RAD51C: variants seen among roughly 807,000 people sequenced by gnomAD.
The protein encoded by RAD51C is DNA repair protein RAD51 homolog 3.
Under a neutral mutation model 45.0 loss-of-function variants are expected in RAD51C, and 42 were observed. The ratio of observed to expected loss-of-function variants is 0.93; its 90% CI spans 0.73 to 1.21. The LOEUF (loss-of-function observed/expected upper bound fraction) is 1.21. Ranked by LOEUF, RAD51C falls within the 50% of genes most tolerant of loss-of-function variation. The pLI is 0.00. For missense variants in RAD51C, 474 were observed against 452.2 expected, an observed-to-expected ratio of 1.05 and a Z score of -0.44; for synonymous variants, 172 against 159.8, an observed-to-expected ratio of 1.08 and a Z score of -0.58.
chr17:58,705,656 G>A (rs1015369691), intron 4 of RAD51C, among the ~76,000 whole-genome samples: 7 of 152,114 alleles, frequency 4.6e-5, no homozygotes, highest in Middle Eastern at 3.4e-3. Context: ...TTACAAGGAC[G>A]CTAATCATCT....
At chr17:58,726,410 T>C (rs935310042) in intron 7 of RAD51C, among the ~76,000 whole-genome samples, 2 of 146,310 alleles carry the variant, frequency 1.4e-5, no homozygotes, top group Non-Finnish European at 3.0e-5. Context: ...TGTGTATATA[T>C]ATAGATTATA....
intron 2 of RAD51C, among the ~76,000 whole-genome samples, chr17:58,695,921 G>A (rs756677580): frequency 3.3e-5 from 5 of 151,890 alleles, no homozygotes; most frequent in Admixed American, 2.0e-4. Context: ...AAAAAAATTA[G>A]CCAGGCATGG....
At chr17:58,732,599 A>T (rs573302185) in intron 8 of RAD51C, 55 bp downstream of exon 8, 1 of 1,523,814 alleles carries the variant, frequency 6.6e-7, no homozygotes, top group African/African-American at 1.4e-5. Context: ...GTAATTATCT[A>T]AAGAGAGAAT....
Position 58,703,267 on chromosome 17 carries a change from G to T in RAD51C, c.643G>T (p.Asp215Tyr), listed in dbSNP as rs1259587961. 1 of 1,609,114 alleles carries T rather than the reference G, an allele frequency of 6.2e-7. No homozygotes were observed. ...TCATATTTATTATTTTCGCTGTCGTGACTACACAGAGTTACTGGCACAAGT... is the reference window on the plus strand; with the variant it reads ...TCATATTTATTATTTTCGCTGTCGTTACTACACAGAGTTACTGGCACAAGT... ...LSHIYYFRCR[D>Y]YTELLAQVYL... The change falls in exon 4 of 9, where the codon GAC becomes TAC. Residue 215 changes from aspartate (D) to tyrosine (Y), a missense_variant. By Grantham distance (160) the Asp-to-Tyr change is radical (BLOSUM62 -3). Coordinates refer to ENST00000337432, the MANE Select transcript of RAD51C (RefSeq NM_058216.3).
chr17:58,710,020 T>C, intron 5 of RAD51C, 30 bp downstream of exon 5: 1 of 1,590,532 alleles, frequency 6.3e-7, no homozygotes. Flanking sequence ...GAGAGTTTTA[T>C]AACAAAGTCA....
chr17:58,719,557 C>T (rs2048845243), intron 5 of RAD51C, among the ~76,000 whole-genome samples: 1 of 151,612 alleles, frequency 6.6e-6, no homozygotes, highest in Non-Finnish European at 1.5e-5. Context: ...GCAAACACCT[C>T]TAGTCCCAGC....
Position 58,695,022 on chromosome 17 carries a change from T to A in RAD51C, c.237T>A (p.Ser79=), listed in dbSNP as rs1555593575. ...LTNKPRYAGT[S]ESHKKCTALE... ...ATAAACCAAGATATGCTGGTACATCTGAGTCACACAAGAAGTGTACAGCAC... is the reference window on the plus strand; with the variant it reads ...ATAAACCAAGATATGCTGGTACATCAGAGTCACACAAGAAGTGTACAGCAC... The change falls in exon 2 of 9, where the codon TCT becomes TCA. Residue 79 remains serine, a synonymous_variant. Transcript: ENST00000337432. 1 of 1,614,068 alleles carries A rather than the reference T, an allele frequency of 6.2e-7. No homozygotes were observed. Among genetic ancestry groups the A allele is most frequent in the Non-Finnish European group, 8.5e-7 (1 of 1,179,974 alleles).
chr17:58,711,622 G>A (rs367855567), intron 5 of RAD51C, among the ~76,000 whole-genome samples: 6 of 151,266 alleles, frequency 4.0e-5, no homozygotes, highest in African/African-American at 9.7e-5. Context: ...CACCATGCCC[G>A]GCTAATTTTT....
At chr17:58,710,459 T>C (rs1456247336) in intron 5 of RAD51C, among the ~76,000 whole-genome samples, 1 of 142,586 alleles carries the variant, frequency 7.0e-6, no homozygotes, top group Non-Finnish European at 1.5e-5. Context: ...GAACGCGCCA[T>C]CACACTCCAG....
chr17:58,711,496 A>G (rs185744943), intron 5 of RAD51C, among the ~76,000 whole-genome samples: 1 of 152,072 alleles, frequency 6.6e-6, no homozygotes, highest in African/African-American at 2.4e-5. Flanking sequence ...TTTTTTGGAG[A>G]CAGAATCTTA....
At chr17:58,702,351 T>C (rs2048238542) in intron 3 of RAD51C, among the ~76,000 whole-genome samples, 1 of 152,124 alleles carries the variant, frequency 6.6e-6, no homozygotes, top group Non-Finnish European at 1.5e-5. Context: ...TTATAAATAA[T>C]TTTACATAGC....
intron 7 of RAD51C, among the ~76,000 whole-genome samples, chr17:58,730,735 TTC>T (rs1430653622): frequency 6.6e-6 from 1 of 152,172 alleles, no homozygotes; most frequent in Non-Finnish European, 1.5e-5. Flanking sequence ...GAATCTTATT[TTC>T]CTCTAGGTTA....
At chr17:58,726,809 G>A (rs1179961265) in intron 7 of RAD51C, among the ~76,000 whole-genome samples, 1 of 151,896 alleles carries the variant, frequency 6.6e-6, no homozygotes, top group African/African-American at 2.4e-5. Flanking sequence ...ACATTTTATA[G>A]CTGACTTTAT....
chr17:58,712,344 C>CAAAA (rs5821244), intron 5 of RAD51C, among the ~76,000 whole-genome samples: 52 of 83,044 alleles, frequency 6.3e-4, no homozygotes, highest in South Asian at 8.7e-4. Flanking sequence ...CACTCCATCT[C>CAAAA]AAAAAAAAAA....
chr17:58,726,628 G>A (rs564153958), intron 7 of RAD51C, among the ~76,000 whole-genome samples: 10 of 144,764 alleles, frequency 6.9e-5, no homozygotes, highest in Admixed American at 3.4e-4. Flanking sequence ...ATGTGTATAC[G>A]TATAGATGTA....
intron 4 of RAD51C, among the ~76,000 whole-genome samples, chr17:58,703,916 G>A (rs970962508): frequency 4.3e-5 from 6 of 140,170 alleles, no homozygotes; most frequent in African/African-American, 1.6e-4. Flanking sequence ...TTGAGCTACC[G>A]TGCCATCATG....
At chr17:58,731,267 T>TC (rs2049409073) in intron 7 of RAD51C, among the ~76,000 whole-genome samples, 1 of 151,898 alleles carries the variant, frequency 6.6e-6, no homozygotes, top group Non-Finnish European at 1.5e-5. Flanking sequence ...AGTTTTTTTT[T>TC]TTTTTTTTGA....
chr17:58,710,069 A>T (rs2143856747), intron 5 of RAD51C, 79 bp downstream of exon 5: 1 of 1,478,428 alleles, frequency 6.8e-7, no homozygotes, highest in Admixed American at 1.7e-5. Context: ...ATGTCAAAAT[A>T]GCGTTTGCCT....
chr17:58,716,524 G>A (rs921624760), intron 5 of RAD51C, among the ~76,000 whole-genome samples: 5 of 151,772 alleles, frequency 3.3e-5, no homozygotes, highest in Admixed American at 2.0e-4. Context: ...GTGCAGTGGC[G>A]CGATCTTGGC....
Sources: allele counts gnomAD v4.1 joint callset (sites outside exome capture counted in the v4.1 genomes callset), GRCh38; gene constraint gnomAD v4.1.1; transcripts MANE v1.5; gene names NCBI Gene and HGNC (gene_info 2026-07-23, HGNC 2026-07-21).